Variants in PTPRR observed in about 807,000 individuals in gnomAD.
PTPRR encodes receptor-type tyrosine-protein phosphatase R.
In PTPRR, 38 loss-of-function variants were observed where a neutral mutation model predicts 77.2. The observed-to-expected ratio is 0.49, with a 90% confidence interval of 0.38 to 0.65. PTPRR has a LOEUF of 0.65. Ranked by LOEUF, PTPRR falls within the 30% of genes least tolerant of loss-of-function variation. The pLI, the probability that PTPRR is intolerant of heterozygous loss-of-function variation, is 0.00. For synonymous variants in PTPRR, 299 were observed against 283.1 expected (o/e 1.06, Z -0.57); for missense variants, 744 against 799.2 (o/e 0.93, Z 0.83).
intron 5 of PTPRR, among the ~76,000 whole-genome samples, chr12:70,750,080 C>T (rs1890341095): frequency 6.6e-6 from 1 of 152,138 alleles, no homozygotes. Context: ...ACTGCACATT[C>T]ACATTTGTGA....
At chr12:70,827,221 G>C (rs1013359469) in intron 2 of PTPRR, among the ~76,000 whole-genome samples, 4 of 152,188 alleles carry the variant, frequency 2.6e-5, no homozygotes, top group African/African-American at 9.7e-5. Context: ...ATAAGTTACA[G>C]TGGGGCAGGG....
intron 6 of PTPRR, among the ~76,000 whole-genome samples, chr12:70,705,649 G>A (rs371017205): frequency 6.6e-6 from 1 of 151,762 alleles, no homozygotes; most frequent in Admixed American, 6.6e-5. Context: ...AAATGAGAAC[G>A]GAAAAATATG....
intron 2 of PTPRR, among the ~76,000 whole-genome samples, chr12:70,827,916 T>C (rs1892143636): frequency 6.6e-6 from 1 of 152,000 alleles, no homozygotes; most frequent in Non-Finnish European, 1.5e-5. Context: ...GAGACGGGTT[T>C]CACCATGTTG....
rs1295769780 is a variant in PTPRR at position 70,768,021 on chromosome 12, A to C, written c.358-3243T>G. 5.9e-5 allele frequency among the ~76,000 whole-genome samples: 9 copies of C among 152,252 alleles called. No individual in the cohort carries two copies. The East Asian group carries it at 1.7e-3, about 29-fold the overall frequency. On this transcript the variant is annotated intron_variant, in intron 2 of 13. Transcript: ENST00000283228. ...CTGGGACACATTCAAAGCAGTGTGT[A>C]GAGGGAAATTTATAGCACTAAATGC...
intron 6 of PTPRR, among the ~76,000 whole-genome samples, chr12:70,716,613 A>T (rs754852106): frequency 6.6e-6 from 1 of 152,214 alleles, no homozygotes; most frequent in Non-Finnish European, 1.5e-5. Flanking sequence ...CACTTTGGAT[A>T]TACAAGACAG....
In PTPRR at chr12:70,684,156, T is replaced by A; in HGVS notation, c.1468A>T (p.Met490Leu). 6.2e-7 allele frequency: 1 copy of A among 1,614,048 alleles called. No individual in the cohort carries two copies. The highest frequency in any genetic ancestry group is 8.5e-7 in the Non-Finnish European group (1 of 1,179,940). The change falls in exon 10 of 14, where the codon ATG becomes TTG. Residue 490 changes from methionine to leucine, a missense_variant. Met to Leu is a conservative substitution (Grantham distance 15). Coordinates refer to ENST00000283228, the MANE Select transcript of PTPRR (RefSeq NM_002849.4). Reference sequence around the variant, plus strand: ...TTTTTTTCTTTGAGTTTTGTGATCATAACAATCACAGGGCTGTCTTCCTGC... The same window carrying A: ...TTTTTTTCTTTGAGTTTTGTGATCAAAACAATCACAGGGCTGTCTTCCTGC... The part of the protein sequence containing the change: ...VWQEDSPVIV[M>L]ITKLKEKNEK...
At chr12:70,663,306 G>T (rs1224016599) in intron 10 of PTPRR, among the ~76,000 whole-genome samples, 1 of 152,154 alleles carries the variant, frequency 6.6e-6, no homozygotes, top group East Asian at 1.9e-4. Flanking sequence ...TGGTTAAGGC[G>T]CAGGCTTTGA....
At chr12:70,884,378 C>CA (rs1893200538) in intron 2 of PTPRR, among the ~76,000 whole-genome samples, 1 of 151,626 alleles carries the variant, frequency 6.6e-6, no homozygotes, top group Admixed American at 6.6e-5. Flanking sequence ...GATAAATAGA[C>CA]AAAGAAGGAA....
chr12:70,791,914 G>A (rs567919604), intron 2 of PTPRR, among the ~76,000 whole-genome samples: 2 of 152,250 alleles, frequency 1.3e-5, no homozygotes, highest in East Asian at 3.9e-4. Context: ...GAATGCAGTG[G>A]CTATTTTTGA....
intron 5 of PTPRR, among the ~76,000 whole-genome samples, chr12:70,750,195 T>G (rs1226615595): frequency 1.2e-4 from 18 of 152,210 alleles, no homozygotes. Context: ...TATGCCACTT[T>G]TCAAAAATTC....
chr12:70,839,838 TTC>T, intron 2 of PTPRR, among the ~76,000 whole-genome samples: 1 of 152,292 alleles, frequency 6.6e-6, no homozygotes, highest in East Asian at 1.9e-4. Flanking sequence ...AGTTTAAAAT[TTC>T]TTTCTTAGAA....
At chr12:70,877,334 C>A (rs1893068544) in intron 2 of PTPRR, among the ~76,000 whole-genome samples, 1 of 152,146 alleles carries the variant, frequency 6.6e-6, no homozygotes, top group Non-Finnish European at 1.5e-5. Context: ...AGATCAGCAA[C>A]AGAATGAAAA....
chr12:70,690,687 T>C (rs1004162096), intron 8 of PTPRR, among the ~76,000 whole-genome samples: 2 of 152,224 alleles, frequency 1.3e-5, no homozygotes, highest in Non-Finnish European at 2.9e-5. Flanking sequence ...TTAGCATATG[T>C]AGCGGTTTGT....
At chr12:70,801,678 C>T (rs949044606) in intron 2 of PTPRR, among the ~76,000 whole-genome samples, 4 of 152,178 alleles carry the variant, frequency 2.6e-5, no homozygotes, top group African/African-American at 7.2e-5. Context: ...GGATCACCAG[C>T]TAGCTGACTG....
intron 2 of PTPRR, among the ~76,000 whole-genome samples, chr12:70,812,363 T>G (rs1421207810): frequency 6.6e-6 from 1 of 152,162 alleles, no homozygotes; most frequent in Non-Finnish European, 1.5e-5. Flanking sequence ...ATGCAAATTG[T>G]TCCAGAACAT....
chr12:70,711,936 A>T (rs557047781), intron 6 of PTPRR, among the ~76,000 whole-genome samples: 1 of 152,268 alleles, frequency 6.6e-6, no homozygotes, highest in African/African-American at 2.4e-5. Flanking sequence ...CAAGAACAGT[A>T]AGTTATTTAA....
chr12:70,867,168 T>C (rs1334826597), intron 2 of PTPRR, among the ~76,000 whole-genome samples: 3 of 151,004 alleles, frequency 2.0e-5, no homozygotes, highest in Admixed American at 6.6e-5. Context: ...CTATTCAACA[T>C]AGTGTTGGAA....
intron 2 of PTPRR, among the ~76,000 whole-genome samples, chr12:70,783,211 G>C (rs1891241093): frequency 6.6e-6 from 1 of 152,138 alleles, no homozygotes; most frequent in Non-Finnish European, 1.5e-5. Context: ...ACAGCTCAGA[G>C]GAGACCCACT....
intron 2 of PTPRR, among the ~76,000 whole-genome samples, chr12:70,874,581 A>C (rs1236257358): frequency 6.6e-6 from 1 of 152,182 alleles, no homozygotes; most frequent in Admixed American, 6.6e-5. Context: ...GGAAATGCAA[A>C]TTGTCATTAT....
Sources: gnomAD v4.1 joint callset for allele counts (sites outside exome capture counted in the v4.1 genomes callset) on GRCh38, gnomAD v4.1.1 for gene constraint, MANE v1.5 for transcripts, NCBI Gene and HGNC (gene_info 2026-07-23, HGNC 2026-07-21) for gene names.